VPS13B: variants seen among roughly 807,000 people sequenced by gnomAD.
VPS13B encodes intermembrane lipid transfer protein VPS13B.
Under a neutral mutation model 426.4 loss-of-function variants are expected in VPS13B, and 285 were observed. The ratio of observed to expected loss-of-function variants is 0.67; its 90% confidence interval spans 0.61 to 0.74. The LOEUF (loss-of-function observed/expected upper bound fraction) is 0.74, where lower values mean the gene tolerates loss of function less well. VPS13B is among the 30% of genes least tolerant of loss of function. VPS13B has a pLI of 0.00. For missense variants in VPS13B, 4,537 were observed against 4,782.6 expected (o/e 0.95, Z 1.51); for synonymous variants, 1,676 against 1,676.4 (o/e 1.00, Z 0.01).
In VPS13B at chr8:99,717,259, A is replaced by T. The variant is rs766514248; in HGVS notation, c.6543A>T (p.Gly2181=). The T allele has an allele frequency of 3.1e-6, 5 of 1,613,940 alleles. No homozygotes were observed. The South Asian group carries it at 5.5e-5, about 18-fold the overall frequency. ...AAGAAAGAAGCCGCATTCTGATAGG[A>T]CCATGTTGTGCTACTGCCAATCTGG... is the stretch of plus-strand genomic sequence containing the variant. ...SLKERSRILI[G]PCCATANLEA... The change falls in exon 37 of 62, where the codon GGA becomes GGT. Residue 2181 remains glycine, a synonymous_variant. Transcript: ENST00000357162.
chr8:99,439,666 ATAGT>A (rs900683927), intron 22 of VPS13B, among the ~76,000 whole-genome samples: 22 of 152,138 alleles, frequency 1.4e-4, no homozygotes, highest in Non-Finnish European at 2.4e-4. Flanking sequence ...GGAATAGGAA[ATAGT>A]TATGTTATTG....
intron 19 of VPS13B, among the ~76,000 whole-genome samples, chr8:99,360,118 TTATC>T (rs1166920539): frequency 0.019 from 2,388 of 123,124 alleles, 158 homozygotes; most frequent in African/African-American, 0.052. Context: ...TTTTTTTTCC[TTATC>T]TTTCTTTCTT....
intron 17 of VPS13B, among the ~76,000 whole-genome samples, chr8:99,254,983 G>A (rs1191767410): frequency 1.3e-5 from 2 of 152,078 alleles, no homozygotes; most frequent in Non-Finnish European, 2.9e-5. Context: ...ACTGGACTCT[G>A]ATGACTTGAA....
In VPS13B at chr8:99,820,054, C is replaced by T. The variant is rs1814275656; in HGVS notation, c.8926C>T (p.Leu2976=). The change falls in exon 49 of 62, where the codon CTA becomes TTA. Residue 2976 remains leucine, a synonymous_variant. Transcript: ENST00000357162. The part of the protein sequence containing the change: ...LINESKWDLW[L]FEGEKIVLQV... ...CAATGAATCCAAATGGGACCTCTGG[C>T]TATTTGAAGGAGAGAAAATTGTTCT... The T allele has an allele frequency of 1.9e-5, 30 of 1,613,930 alleles. No individual in the cohort carries two copies. The highest frequency in any genetic ancestry group is 2.5e-5 in the Non-Finnish European group (30 of 1,179,870).
intron 24 of VPS13B, among the ~76,000 whole-genome samples, chr8:99,475,341 A>G (rs1449250271): frequency 3.3e-5 from 5 of 152,190 alleles, no homozygotes; most frequent in African/African-American, 1.2e-4. Context: ...CTCTAAAGCT[A>G]CATATAATAG....
chr8:99,743,459 T>C (rs1482591057), intron 39 of VPS13B, among the ~76,000 whole-genome samples: 1 of 151,862 alleles, frequency 6.6e-6, no homozygotes, highest in Non-Finnish European at 1.5e-5. Context: ...CTTCACAGAA[T>C]TGGAAAAAAC....
At chr8:99,185,960 G>T (rs905280995) in intron 16 of VPS13B, among the ~76,000 whole-genome samples, 3 of 152,084 alleles carry the variant, frequency 2.0e-5, no homozygotes, top group Non-Finnish European at 4.4e-5. Context: ...ATACAGTCAA[G>T]ACCTACTTGT....
intron 43 of VPS13B, among the ~76,000 whole-genome samples, chr8:99,794,200 C>G (rs1238795166): frequency 6.6e-6 from 1 of 152,160 alleles, no homozygotes; most frequent in East Asian, 1.9e-4. Context: ...GTAAAGTAAG[C>G]AAATTCGATG....
chr8:99,737,469 C>G (rs1833892792), intron 39 of VPS13B, among the ~76,000 whole-genome samples: 2 of 152,134 alleles, frequency 1.3e-5, no homozygotes, highest in Non-Finnish European at 2.9e-5. Context: ...CCTTCCCCCA[C>G]AAGCATAATA....
chr8:99,592,286 G>A (rs1171470429), intron 33 of VPS13B, among the ~76,000 whole-genome samples: 1 of 152,008 alleles, frequency 6.6e-6, no homozygotes, highest in African/African-American at 2.4e-5. Flanking sequence ...GGAGATGTTT[G>A]TCATTACCAG....
At chr8:99,232,867 C>T (rs888684847) in intron 17 of VPS13B, among the ~76,000 whole-genome samples, 5 of 152,148 alleles carry the variant, frequency 3.3e-5, no homozygotes, top group African/African-American at 4.8e-5. Context: ...GACCTTCCCC[C>T]GCCTCCTTGG....
chr8:99,061,710 A>G (rs1844201081), intron 3 of VPS13B, among the ~76,000 whole-genome samples: 1 of 152,168 alleles, frequency 6.6e-6, no homozygotes, highest in Non-Finnish European at 1.5e-5. Context: ...AAATAATATT[A>G]TAAAATACCA....
At chr8:99,665,223 T>G (rs1437198152) in intron 35 of VPS13B, among the ~76,000 whole-genome samples, 3 of 152,206 alleles carry the variant, frequency 2.0e-5, no homozygotes, top group Admixed American at 2.0e-4. Context: ...TATTAGCCCT[T>G]TGTCAGATGA....
chr8:99,437,486 G>A (rs1261634871), intron 22 of VPS13B, among the ~76,000 whole-genome samples: 2 of 151,706 alleles, frequency 1.3e-5, no homozygotes, highest in Non-Finnish European at 2.9e-5. Context: ...GGAAGTCCTC[G>A]GCAGGCAGAC....
chr8:99,389,738 G>A (rs547335518), intron 20 of VPS13B: 1 of 152,130 alleles, frequency 6.6e-6, no homozygotes, highest in Non-Finnish European at 1.5e-5. Flanking sequence ...AACTTATGTG[G>A]TTCAAACTTA....
rs755407566 is a variant in VPS13B, at chr8:99,835,557, T to C, written c.9761T>C (p.Val3254Ala). ...ATTTCAGATATTCCAAAGTTTGAGG[T>C]TTATTGCAAAAAAATTCCCTCCGAG... is the stretch of plus-strand genomic sequence containing the variant. ...ENIKDIPKFE[V>A]YCKKIPSECS... Residue 3254 changes from valine (V) to alanine (A), a missense_variant, in exon 54 of 62, where the codon GTT (valine) becomes GCT (alanine). Physicochemically the swap from Val to Ala is moderately conservative, Grantham distance 64. This residue lies in a region of VPS13B where 4,311 missense variants were observed against 4,474.3 expected (regional missense o/e 0.96). Coordinates refer to ENST00000357162, the MANE Select transcript of VPS13B (RefSeq NM_152564.5). The C allele has an allele frequency of 6.2e-7, 1 of 1,614,118 alleles. No individual in the cohort carries two copies. Among genetic ancestry groups the C allele is most frequent in the South Asian group, 1.1e-5 (1 of 91,070 alleles).
At chr8:99,233,708 A>C in intron 17 of VPS13B, 1 of 786,896 alleles carries the variant, frequency 1.3e-6, no homozygotes, top group Non-Finnish European at 2.3e-6. Flanking sequence ...CAAATCCTGC[A>C]AGGATGAGAT....
chr8:99,600,761 G>C (rs1050149536), intron 33 of VPS13B, among the ~76,000 whole-genome samples: 4 of 152,134 alleles, frequency 2.6e-5, no homozygotes, highest in South Asian at 4.1e-4. Context: ...TCTTTCTCCA[G>C]CTGTTCCAAA....
chr8:99,593,913 G>A (rs1826831637), intron 33 of VPS13B, among the ~76,000 whole-genome samples: 1 of 152,014 alleles, frequency 6.6e-6, no homozygotes, highest in Non-Finnish European at 1.5e-5. Context: ...ATGGGTGGAG[G>A]GGTGAGGGAG....
Sources: gnomAD v4.1 joint callset for allele counts (sites outside exome capture counted in the v4.1 genomes callset) on GRCh38, gnomAD v4.1.1 for gene constraint, gnomAD v4.1.1 regional missense constraint, MANE v1.5 for transcripts, NCBI Gene and HGNC (gene_info 2026-07-23, HGNC 2026-07-21) for gene names.